Variants in GJA9 observed in about 807,000 individuals in gnomAD.
GJA9 encodes the protein gap junction protein alpha 9, also known as gap junction alpha-9 protein.
GJA9 carries 1 observed loss-of-function variant against 0.4 expected under a neutral mutation model. The ratio of observed to expected loss-of-function variants is 2.50; its 90% confidence interval spans 0.89 to 11.88. The LOEUF (loss-of-function observed/expected upper bound fraction) is 11.88. Ranked by LOEUF, GJA9 falls within the 30% of genes most tolerant of loss-of-function variation. GJA9 has a pLI of 0.12. For synonymous variants in GJA9, 190 were observed against 219.1 expected (o/e 0.87, Z 1.17); for missense variants, 550 against 602.8 (o/e 0.91, Z 0.92).
intron 1 of GJA9, chr1:38,876,417 A>G: frequency 1.0e-5 from 3 of 294,526 alleles, no homozygotes; most frequent in Non-Finnish European, 1.3e-5. Context: ...CTGGGACTGC[A>G]GGTGTGTGCA....
At chr1:38,880,481 A>G (rs1642677131) in intron 1 of GJA9, among the ~76,000 whole-genome samples, 1 of 149,996 alleles carries the variant, frequency 6.7e-6, no homozygotes, top group African/African-American at 2.4e-5. Flanking sequence ...AACCCAAAGC[A>G]CTTTAAAATG....
intron 1 of GJA9, 38 bp downstream of exon 1, chr1:38,881,394 C>A (rs1407236529): frequency 2.9e-6 from 2 of 699,850 alleles, no homozygotes; most frequent in Non-Finnish European, 5.2e-6. Context: ...TCAAACAACT[C>A]TTTCTTAATA....
In GJA9 at chr1:38,876,173, G is replaced by A. The variant is rs963632125; in HGVS notation, c.-75C>T. 8.4e-7 allele frequency: 1 copy of A among 1,190,200 alleles called. No individual in the cohort carries two copies. The highest frequency in any genetic ancestry group is 1.2e-6 in the Non-Finnish European group (1 of 825,978). 73.7% of individuals were successfully genotyped at this position (1,190,200 alleles called of 1,614,324 possible). A position where few individuals can be genotyped will look rare whatever the true frequency, so the allele number is the denominator to read the frequency against. On this transcript the variant is annotated 5_prime_UTR_variant, in exon 2 of 2. Coordinates refer to ENST00000357771, the MANE Select transcript of GJA9 (RefSeq NM_030772.5). ...GATAAATTCTTCCATTCTGAAGGGA[G>A]CACTATTTCTTAAAGCAAACCTATG...
rs199814335 is a variant in GJA9 at position 38,876,108 on chromosome 1, G to A, written c.-10C>T. The A allele has an allele frequency of 8.7e-6, 14 of 1,602,094 alleles. No homozygotes were observed. In the East Asian group the frequency reaches 2.9e-4, roughly 33 times the overall value. ...GATTCCAGTCCCCCATGTTTATTTAGTCAGCCATCTTAGCTCTGATCCACA... is the reference window on the plus strand; with the variant it reads ...GATTCCAGTCCCCCATGTTTATTTAATCAGCCATCTTAGCTCTGATCCACA... On this transcript the variant is annotated 5_prime_UTR_variant, in exon 2 of 2. Transcript: ENST00000357771.
At chr1:38,877,489 A>G (rs1642608817) in intron 1 of GJA9, among the ~76,000 whole-genome samples, 1 of 151,260 alleles carries the variant, frequency 6.6e-6, no homozygotes. Context: ...AAAGTCAGTG[A>G]TTTTTTTTTC....
In GJA9 at chr1:38,874,345, C is replaced by T; in HGVS notation, c.*206G>A. The T allele has an allele frequency of 2.0e-6, 1 of 496,630 alleles. No homozygotes were observed. The highest frequency in any genetic ancestry group is 3.5e-6 in the Non-Finnish European group (1 of 282,882). The allele number at this position is 496,630 out of a possible 1,614,324, so 30.8% of individuals were successfully genotyped here. A position where few individuals can be genotyped will look rare whatever the true frequency, so the allele number is the denominator to read the frequency against. ...GATATCATTTAAAAAAAAAAAAATC[C>T]TGATTTGACAACTCTATGTCTTTGA... is the stretch of plus-strand genomic sequence containing the variant. On this transcript the variant is annotated 3_prime_UTR_variant, in exon 2 of 2. Coordinates refer to ENST00000357771, the MANE Select transcript of GJA9 (RefSeq NM_030772.5).
At chr1:38,876,470 G>T (rs1642589680) in intron 1 of GJA9, 3 of 182,940 alleles carry the variant, frequency 1.6e-5, no homozygotes, top group South Asian at 2.4e-4. Context: ...TAGAGACAGG[G>T]TCTCACTCTA....
intron 1 of GJA9, 145 bp from the exon 2 acceptor site, chr1:38,876,338 A>G (rs1642587528): frequency 3.9e-6 from 2 of 509,114 alleles, no homozygotes; most frequent in South Asian, 2.6e-5. Context: ...CAGTGTTGCA[A>G]CCACAACTCC....
chr1:38,875,799 C>T lies in GJA9; in HGVS notation c.300G>A (p.Leu100=). Residue 100 remains leucine, a synonymous_variant, in exon 2 of 2, where the codon CTG becomes CTA. Coordinates refer to ENST00000357771, the MANE Select transcript of GJA9 (RefSeq NM_030772.5). ...TTTGCCTCTCTTCCTCAAGAACTCT[C>T]AGTCGGTACAATGCATGGCCCATGT... ...LVYMGHALYR[L]RVLEEERQRM... 7 of 1,614,234 alleles carry T rather than the reference C, an allele frequency of 4.3e-6. No individual in the cohort carries two copies. Among genetic ancestry groups the T allele is most frequent in the African/African-American group, 2.7e-5 (2 of 75,058 alleles).
Position 38,874,668 on chromosome 1 carries a change from C to T in GJA9, c.1431G>A (p.Leu477=). The change falls in exon 2 of 2, where the codon CTG becomes CTA. Residue 477 remains leucine, a synonymous_variant. Coordinates refer to ENST00000357771, the MANE Select transcript of GJA9 (RefSeq NM_030772.5). ...TTCTGACCAACCCTGGCTCAAAGGA[C>T]AGCCCTCCCAAAGAATCAGCAGTGT... is the stretch of plus-strand genomic sequence containing the variant. The part of the protein sequence containing the change: ...IPNTADSLGG[L]SFEPGLVRTC... 1.9e-6 allele frequency: 3 copies of T among 1,614,194 alleles called. No individual in the cohort carries two copies. Among genetic ancestry groups the T allele is most frequent in the Middle Eastern group, 3.3e-4 (2 of 6,060 alleles).
In GJA9 at chr1:38,875,913, T is replaced by G; in HGVS notation, c.186A>C (p.Arg62Ser). ...FICNTEQPGC[R>S]NVCYDQAFPI... is the part of the protein sequence containing the mutation. The stretch of plus-strand genomic sequence containing the variant: ...GAAAGGCCTGGTCGTAGCATACATT[T>G]CTGCAGCCTGGTTGTTCTGTATTGC... The change falls in exon 2 of 2, where the codon AGA (arginine) becomes AGC (serine). Residue 62 changes from arginine (R) to serine (S), a missense_variant. Arg to Ser is a moderately radical substitution (Grantham distance 110). Coordinates refer to ENST00000357771, the MANE Select transcript of GJA9 (RefSeq NM_030772.5). 1 of 1,614,222 alleles carries G rather than the reference T, an allele frequency of 6.2e-7. No homozygotes were observed. Among genetic ancestry groups the G allele is most frequent in the Non-Finnish European group, 8.5e-7 (1 of 1,180,042 alleles).
intron 1 of GJA9, among the ~76,000 whole-genome samples, chr1:38,878,508 C>G (rs1642632321): frequency 6.6e-6 from 1 of 150,868 alleles, no homozygotes; most frequent in African/African-American, 2.4e-5. Flanking sequence ...GAAACACTGT[C>G]TCTACAAAAA....
chr1:38,881,284 A>G (rs1642693221), intron 1 of GJA9, 148 bp downstream of exon 1: 1 of 494,692 alleles, frequency 2.0e-6, no homozygotes, highest in Non-Finnish European at 3.6e-6. Flanking sequence ...AAGGAGCAGT[A>G]GTATTTAGCT....
rs1164467101 is a variant in GJA9, at chr1:38,881,319, T to C, written c.-96+113A>G. ...TACAAATTAAAGCTTTCATAGCAAA[T>C]GACATAAAAACTGGTATACATATAT... On this transcript the variant is annotated intron_variant, in intron 1 of 1. Coordinates refer to ENST00000357771, the MANE Select transcript of GJA9 (RefSeq NM_030772.5). 7.8e-6 allele frequency: 4 copies of C among 514,044 alleles called. No individual in the cohort carries two copies. The Admixed American group carries it at 1.4e-4, about 18-fold the overall frequency. 31.8% of individuals were successfully genotyped at this position (514,044 alleles called of 1,614,324 possible).
In GJA9 at chr1:38,876,041, T is replaced by C. The variant is rs776744931; in HGVS notation, c.58A>G (p.Met20Val). The C allele has an allele frequency of 1.9e-6, 3 of 1,614,220 alleles. No homozygotes were observed. In the Admixed American group the frequency reaches 5.0e-5, roughly 27 times the overall value. The change falls in exon 2 of 2, where the codon ATG (methionine) becomes GTG (valine). Residue 20 changes from methionine to valine, a missense_variant. Transcript: ENST00000357771. ...TLEEVHIHSTMIGKIWLTILF... is the reference protein window; with the variant it reads ...TLEEVHIHSTVIGKIWLTILF... ...ATGGTGAGCCAGATCTTTCCAATCA[T>C]GGTGGAGTGGATGTGAACTTCCTCC...
chr1:38,878,933 A>G (rs1037232246), intron 1 of GJA9, among the ~76,000 whole-genome samples: 1 of 151,802 alleles, frequency 6.6e-6, no homozygotes, highest in Non-Finnish European at 1.5e-5. Context: ...GGGTTCCTCC[A>G]TATTGGTCAG....
Position 38,875,855 on chromosome 1 carries a change from C to G in GJA9, c.244G>C (p.Val82Leu). The G allele has an allele frequency of 3.7e-6, 6 of 1,614,208 alleles. No homozygotes were observed. The highest frequency in any genetic ancestry group is 3.3e-5 in the South Asian group (3 of 91,086). Residue 82 changes from valine (V) to leucine (L), a missense_variant, in exon 2 of 2, where the codon GTG (valine) becomes CTG (leucine). Coordinates refer to ENST00000357771, the MANE Select transcript of GJA9 (RefSeq NM_030772.5). The part of the protein sequence containing the change: ...ISLIRYWVLQ[V>L]IFVSSPSLVY... ...AGGGATGGTGAAGACACAAATATCACCTGCAGAACCCAGTATCTAATGAGG... is the reference window on the plus strand; with the variant it reads ...AGGGATGGTGAAGACACAAATATCAGCTGCAGAACCCAGTATCTAATGAGG...
intron 1 of GJA9, among the ~76,000 whole-genome samples, chr1:38,879,408 G>A (rs1270488442): frequency 6.6e-6 from 1 of 152,132 alleles, no homozygotes; most frequent in Non-Finnish European, 1.5e-5. Context: ...AATCCTATGC[G>A]GTAAGTATGT....
Position 38,874,881 on chromosome 1 carries a change from T to C in GJA9, c.1218A>G (p.Gln406=), listed in dbSNP as rs984963220. ...DGENNMRQSP[Q]TVFSLPANCD... ...AGTTAGCTGGCAAGGAGAAAACTGT[T>C]TGGGGTGACTGCCTCATGTTGTTCT... Residue 406 remains glutamine (Q), a synonymous_variant, in exon 2 of 2, where the codon CAA becomes CAG. Coordinates refer to ENST00000357771, the MANE Select transcript of GJA9 (RefSeq NM_030772.5). 9 of 1,614,180 alleles carry C rather than the reference T, an allele frequency of 5.6e-6. No homozygotes were observed. The highest frequency in any genetic ancestry group is 7.6e-6 in the Non-Finnish European group (9 of 1,180,020).
Sources: allele counts gnomAD v4.1 joint callset (sites outside exome capture counted in the v4.1 genomes callset), GRCh38; gene constraint gnomAD v4.1.1; transcripts MANE v1.5; gene names NCBI Gene and HGNC (gene_info 2026-07-23, HGNC 2026-07-21).